NF1: variants seen among roughly 807,000 people sequenced by gnomAD.
NF1 encodes neurofibromin.
NF1 carries 122 observed loss-of-function variants against 325.7 expected under a neutral mutation model. The ratio of observed to expected loss-of-function variants is 0.37; its 90% CI spans 0.32 to 0.44. NF1 has a LOEUF of 0.44. NF1 is among the 20% of genes least tolerant of loss of function. The probability of loss-of-function intolerance (pLI) is 1.00; values close to 1 mark genes in which losing one functional copy is unlikely to be tolerated. For missense variants in NF1, 2,140 were observed against 3,415.4 expected (o/e 0.63, Z 9.31); for synonymous variants, 1,091 against 1,186.0 (o/e 0.92, Z 1.65).
chr17:31,161,000 T>C (rs1328678494), intron 3 of NF1, among the ~76,000 whole-genome samples: 1 of 152,256 alleles, frequency 6.6e-6, no homozygotes. Flanking sequence ...AATTGTTTTA[T>C]TTCCTTCAGT....
At chr17:31,244,776 G>A (rs17884171) in intron 29 of NF1, among the ~76,000 whole-genome samples, 169 of 152,262 alleles carry the variant, frequency 1.1e-3, no homozygotes, top group African/African-American at 3.9e-3. Context: ...ACCAGGTATT[G>A]TGATCACTTA....
chr17:31,103,147 G>T (rs1362874558), intron 1 of NF1, among the ~76,000 whole-genome samples: 1 of 150,514 alleles, frequency 6.6e-6, no homozygotes, highest in Non-Finnish European at 1.5e-5. Context: ...GTCTAATATT[G>T]TTACATTTTA....
chr17:31,147,748 C>G (rs1391631096), intron 1 of NF1, among the ~76,000 whole-genome samples: 1 of 152,188 alleles, frequency 6.6e-6, no homozygotes, highest in Non-Finnish European at 1.5e-5. Context: ...AAGGTCTCCA[C>G]TAGCAGATTC....
intron 36 of NF1, chr17:31,305,638 G>A (rs777799482): frequency 3.1e-5 from 49 of 1,581,482 alleles, no homozygotes; most frequent in East Asian, 4.5e-5. Context: ...TATCTATAGC[G>A]GGTTTATAAT....
intron 24 of NF1, 28 bp from the exon 25 acceptor site, chr17:31,232,045 T>TC (rs2067120047): frequency 1.4e-6 from 1 of 731,870 alleles, no homozygotes; most frequent in African/African-American, 2.4e-5. Flanking sequence ...GTCTCTAAAT[T>TC]TTTTTTTTTT....
At chr17:31,139,383 C>G (rs112148244) in intron 1 of NF1, among the ~76,000 whole-genome samples, 5 of 147,608 alleles carry the variant, frequency 3.4e-5, no homozygotes, top group African/African-American at 1.3e-4. Context: ...CAGACACACA[C>G]ACACACACAC....
chr17:31,276,904 G>A (rs549489827), intron 36 of NF1, among the ~76,000 whole-genome samples: 52 of 148,924 alleles, frequency 3.5e-4, no homozygotes, highest in African/African-American at 1.1e-3. Flanking sequence ...GAAAATCTAC[G>A]TATAACTTTT....
chr17:31,145,893 T>C (rs1916553562), intron 1 of NF1, among the ~76,000 whole-genome samples: 1 of 152,186 alleles, frequency 6.6e-6, no homozygotes, highest in African/African-American at 2.4e-5. Flanking sequence ...AATTAAGCTT[T>C]GGAAATGTTG....
intron 51 of NF1, chr17:31,355,706 T>G (rs1333032581): frequency 6.6e-6 from 1 of 151,968 alleles, no homozygotes; most frequent in Non-Finnish European, 1.5e-5. Context: ...AAAAATCAGC[T>G]GGGTGTGGTA....
At chr17:31,186,697 G>T (rs1015264379) in intron 8 of NF1, among the ~76,000 whole-genome samples, 7 of 152,236 alleles carry the variant, frequency 4.6e-5, no homozygotes, top group Non-Finnish European at 4.4e-5. Context: ...TAATAATCAA[G>T]TGGATAGCGT....
chr17:31,336,562 CTG>C lies in NF1; in HGVS notation c.6148-72_6148-71del, dbSNP rs776031710. ...GTTTTGTAATTACTTTTAAATTAAACTGAACTTTTTTGTGCTAAAACTTTGAG... is the reference window on the plus strand; with the variant it reads ...GTTTTGTAATTACTTTTAAATTAAACAACTTTTTTGTGCTAAAACTTTGAG... On this transcript the variant is annotated intron_variant, in intron 41 of 57. Transcript: ENST00000358273. The surrounding 1 kb of genome is among the most constrained non-coding windows in gnomAD (Gnocchi z 5.5). The C allele has an allele frequency of 5.0e-6, 8 of 1,586,518 alleles. No homozygotes were observed. The highest frequency in any genetic ancestry group is 1.8e-4 in the Middle Eastern group (1 of 5,598).
intron 8 of NF1, among the ~76,000 whole-genome samples, chr17:31,186,847 C>A (rs558704459): frequency 5.3e-5 from 8 of 152,338 alleles, no homozygotes; most frequent in Non-Finnish European, 1.2e-4. Context: ...CTCACCAAGG[C>A]TGACTTGGCT....
chr17:31,256,797 T>G (rs547877405), intron 31 of NF1, among the ~76,000 whole-genome samples: 38 of 152,188 alleles, frequency 2.5e-4, no homozygotes, highest in Non-Finnish European at 5.4e-4. Flanking sequence ...TCCCCTTATT[T>G]AAGGGTTAAG....
At chr17:31,166,935 T>C (rs1346709818) in intron 4 of NF1, among the ~76,000 whole-genome samples, 1 of 152,224 alleles carries the variant, frequency 6.6e-6, no homozygotes. Flanking sequence ...CTTCTTCTTT[T>C]CTGGACCTAT....
intron 45 of NF1, among the ~76,000 whole-genome samples, chr17:31,338,363 A>C (rs1323390101): frequency 2.6e-5 from 4 of 152,206 alleles, no homozygotes; most frequent in African/African-American, 9.6e-5. Flanking sequence ...TCATTAAGGA[A>C]GATGTCTTTA....
In NF1 at chr17:31,357,261, C is replaced by A. The variant is rs372441422; in HGVS notation, c.7870-8C>A. On this transcript the variant is annotated splice_region_variant and splice_polypyrimidine_tract_variant and intron_variant, in intron 53 of 57. Coordinates refer to ENST00000358273, the MANE Select transcript of NF1 (RefSeq NM_001042492.3). ...ATGTTGTGTGTTTACTTTTTTGCAT[C>A]TTGGCAGGCTACACTGGTAAAATAT... The A allele has an allele frequency of 4.3e-5, 69 of 1,612,916 alleles. No individual in the cohort carries two copies. Among genetic ancestry groups the A allele is most frequent in the African/African-American group, 6.7e-5 (5 of 74,876 alleles).
At chr17:31,227,660 C>A (rs2151427800) in intron 20 of NF1, 54 bp downstream of exon 20, 2 of 1,438,848 alleles carry the variant, frequency 1.4e-6, no homozygotes, top group Non-Finnish European at 2.0e-6. Context: ...AATATATGTA[C>A]TTCACTTTGA....
At chr17:31,211,152 T>C (rs1165589874) in intron 12 of NF1, among the ~76,000 whole-genome samples, 2 of 152,236 alleles carry the variant, frequency 1.3e-5, no homozygotes, top group Non-Finnish European at 2.9e-5. Flanking sequence ...GGTTCATGAA[T>C]TTCTTCCCAG....
intron 36 of NF1, chr17:31,295,693 T>G (rs779884835): frequency 6.2e-7 from 1 of 1,614,040 alleles, no homozygotes. Context: ...ACTGAAAGAG[T>G]TGGTCAAAAG....
Sources: allele counts gnomAD v4.1 joint callset (sites outside exome capture counted in the v4.1 genomes callset), GRCh38; gene constraint gnomAD v4.1.1; non-coding constraint Gnocchi (gnomAD v3.1); transcripts MANE v1.5; gene names NCBI Gene and HGNC (gene_info 2026-07-23, HGNC 2026-07-21).